LIMK2: variants seen among roughly 807,000 people sequenced by gnomAD.
LIMK2 encodes the protein LIM domain kinase 2.
In LIMK2, 35 loss-of-function variants were observed where a neutral mutation model predicts 75.7. That is an observed-to-expected ratio of 0.46 (90% CI 0.35 to 0.61). The LOEUF (loss-of-function observed/expected upper bound fraction) is 0.61, where lower values mean the gene tolerates loss of function less well. LIMK2 is among the 20% of genes least tolerant of loss of function. LIMK2 has a pLI of 0.00. For synonymous variants in LIMK2, 301 were observed against 319.2 expected (o/e 0.94, Z 0.61); for missense variants, 623 against 831.0 (o/e 0.75, Z 3.08).
intron 15 of LIMK2, 76 bp downstream of exon 15, chr22:31,275,384 C>T: frequency 2.1e-6 from 3 of 1,462,166 alleles, no homozygotes; most frequent in Non-Finnish European, 2.8e-6. Flanking sequence ...CCCCTGAGCC[C>T]TCTGCAAGCA....
chr22:31,255,374 C>T (rs1333262462), intron 2 of LIMK2, among the ~76,000 whole-genome samples: 1 of 152,188 alleles, frequency 6.6e-6, no homozygotes, highest in Admixed American at 6.5e-5. Context: ...ACTTCACAGC[C>T]ATACTCTTCA....
intron 13 of LIMK2, 98 bp downstream of exon 13, chr22:31,272,802 T>C (rs2048973464): frequency 6.8e-7 from 1 of 1,467,730 alleles, no homozygotes. Context: ...CTGTGAAGCG[T>C]AGGACCGGAT....
intron 1 of LIMK2, among the ~76,000 whole-genome samples, chr22:31,215,132 A>C (rs2048379921): frequency 1.3e-5 from 2 of 152,346 alleles, no homozygotes; most frequent in South Asian, 4.1e-4. Context: ...AGACAGGCCC[A>C]GAAATGACAA....
chr22:31,267,288 G>T (rs1374141408), intron 9 of LIMK2, among the ~76,000 whole-genome samples: 1 of 152,216 alleles, frequency 6.6e-6, no homozygotes, highest in Non-Finnish European at 1.5e-5. Context: ...TACAAGGGAT[G>T]CAGTAACAAA....
At chr22:31,261,285 C>G (rs1001636717) in intron 5 of LIMK2, among the ~76,000 whole-genome samples, 37 of 152,144 alleles carry the variant, frequency 2.4e-4, no homozygotes, top group African/African-American at 8.9e-4. Context: ...CAGTGGCTCA[C>G]GCCTGTAATC....
At chr22:31,221,456 C>T (rs1017622664) in intron 1 of LIMK2, among the ~76,000 whole-genome samples, 3 of 151,964 alleles carry the variant, frequency 2.0e-5, no homozygotes, top group Non-Finnish European at 2.9e-5. Context: ...ATCTTCGTAC[C>T]ACTTGCCCCA....
intron 11 of LIMK2, among the ~76,000 whole-genome samples, chr22:31,270,227 G>C (rs1355121229): frequency 1.3e-5 from 2 of 152,160 alleles, no homozygotes; most frequent in African/African-American, 4.8e-5. Context: ...CATCCATGTA[G>C]CTGGTGGGGG....
At position 31,262,318 on chromosome 22, in the gene LIMK2, CT is replaced by C; in HGVS notation, c.657+83del. On this transcript the variant is annotated intron_variant, in intron 6 of 15. Transcript: ENST00000331728. The surrounding 1 kb of genome is among the most constrained non-coding windows in gnomAD (Gnocchi z 5.0). ...TGAGAAATCAGGCTGTAGCCTTTAC[CT>C]TTTCCTACCCCCAGCCCATCTCTTT... 1 of 1,150,064 alleles carries C rather than the reference CT, an allele frequency of 8.7e-7. No individual in the cohort carries two copies. Among genetic ancestry groups the C allele is most frequent in the Non-Finnish European group, 1.3e-6 (1 of 761,600 alleles). 71.2% of individuals were successfully genotyped at this position (1,150,064 alleles called of 1,614,324 possible).
chr22:31,221,700 G>A (rs982564826), intron 1 of LIMK2, among the ~76,000 whole-genome samples: 1 of 152,082 alleles, frequency 6.6e-6, no homozygotes, highest in African/African-American at 2.4e-5. Context: ...GGCCAGGCTG[G>A]TCTCGAACTC....
chr22:31,275,276 C>G lies in LIMK2; in HGVS notation c.1740C>G (p.Ala580=). 1 of 1,614,200 alleles carries G rather than the reference C, an allele frequency of 6.2e-7. No individual in the cohort carries two copies. Among genetic ancestry groups the G allele is most frequent in the Non-Finnish European group, 8.5e-7 (1 of 1,180,052 alleles). Residue 580 remains alanine (A), a synonymous_variant, in exon 15 of 16, where the codon GCC becomes GCG. Coordinates refer to ENST00000331728, the MANE Select transcript of LIMK2 (RefSeq NM_005569.4). ...GTCCCCCGGCCTTCTTCCCGCTGGC[C>G]GCCATCTGCTGCAGACTGGAGCCTG... ...TDCPPAFFPL[A]AICCRLEPES...
At chr22:31,264,005 G>GT (rs563308760) in intron 7 of LIMK2, among the ~76,000 whole-genome samples, 150 of 151,384 alleles carry the variant, frequency 9.9e-4, no homozygotes, top group South Asian at 5.9e-3. Context: ...AAAAAAGTTT[G>GT]TTTTTTTTTA....
intron 1 of LIMK2, among the ~76,000 whole-genome samples, chr22:31,219,233 C>G (rs1601396652): frequency 6.7e-6 from 1 of 148,464 alleles, no homozygotes; most frequent in East Asian, 2.0e-4. Flanking sequence ...TATTTTCCTT[C>G]TTTTTTTTTT....
In LIMK2 at chr22:31,254,775, A is replaced by G. The variant is rs538949167; in HGVS notation, c.117-3516A>G. Among the ~76,000 whole-genome samples the G allele has an allele frequency of 3.3e-5, 5 of 152,240 alleles. No individual in the cohort carries two copies. The South Asian group carries it at 8.3e-4, about 25-fold the overall frequency. ...GGAGTTCGAGACCAGCCTCACCAAC[A>G]TGGGGAAACCCCGTCTCTACTAAAA... On this transcript the variant is annotated intron_variant, in intron 2 of 15. Coordinates refer to ENST00000331728, the MANE Select transcript of LIMK2 (RefSeq NM_005569.4).
chr22:31,222,021 C>T (rs2048438517), intron 1 of LIMK2, among the ~76,000 whole-genome samples: 1 of 152,026 alleles, frequency 6.6e-6, no homozygotes, highest in Admixed American at 6.6e-5. Context: ...GTGCATTATG[C>T]AGAAAGTGGG....
chr22:31,255,804 C>T (rs2048772200), intron 2 of LIMK2, among the ~76,000 whole-genome samples: 1 of 152,056 alleles, frequency 6.6e-6, no homozygotes, highest in African/African-American at 2.4e-5. Flanking sequence ...CTTATTTCCT[C>T]TTCACATTGG....
intron 2 of LIMK2, among the ~76,000 whole-genome samples, chr22:31,247,117 A>G (rs899580650): frequency 6.6e-5 from 10 of 152,200 alleles, no homozygotes; most frequent in African/African-American, 2.4e-4. Context: ...TAAGAGATAG[A>G]AGCTGCACGG....
Position 31,272,581 on chromosome 22 carries a change from GA to G in LIMK2, c.1436del (p.Glu479GlyfsTer40). 6.2e-7 allele frequency: 1 copy of G among 1,613,982 alleles called. No individual in the cohort carries two copies. The highest frequency in any genetic ancestry group is 8.5e-7 in the Non-Finnish European group (1 of 1,179,992). On this transcript the variant is annotated frameshift_variant, in exon 13 of 16. Coordinates refer to ENST00000331728, the MANE Select transcript of LIMK2 (RefSeq NM_005569.4). LOFTEE classifies it high-confidence loss of function. Reference protein sequence around the residue: ...DFGLSRLIVEERKRAPMEKAT... With the variant: ...DFGLSRLIVEXRKRAPMEKAT... ...TGGGCTGTCACGGCTCATAGTGGAA[GA>G]GAGGAAAAGGGCCCCCATGGAGAAG...
intron 2 of LIMK2, among the ~76,000 whole-genome samples, chr22:31,235,174 A>G (rs2048562194): frequency 6.6e-6 from 1 of 152,016 alleles, no homozygotes; most frequent in African/African-American, 2.4e-5. Flanking sequence ...CACTGAGCAT[A>G]TTGTTGGCAT....
chr22:31,236,309 A>C (rs1239338184), intron 2 of LIMK2, among the ~76,000 whole-genome samples: 1 of 150,134 alleles, frequency 6.7e-6, no homozygotes, highest in Non-Finnish European at 1.5e-5. Flanking sequence ...AAAAAAAAAA[A>C]AACAAACTGG....
Sources: gnomAD v4.1 joint callset for allele counts (sites outside exome capture counted in the v4.1 genomes callset) on GRCh38, gnomAD v4.1.1 for gene constraint, Gnocchi (gnomAD v3.1) non-coding constraint, MANE v1.5 for transcripts, NCBI Gene and HGNC (gene_info 2026-07-23, HGNC 2026-07-21) for gene names.